Variants in ZNF503 observed in about 807,000 individuals in gnomAD.
The protein encoded by ZNF503 is zinc finger protein 503.
A neutral mutation model predicts 34.4 loss-of-function variants in ZNF503; 15 were observed. That is an observed-to-expected ratio of 0.44 (90% CI 0.29 to 0.67). The LOEUF (loss-of-function observed/expected upper bound fraction) is 0.67. Among genes scored for constraint, ZNF503 ranks in the 30% least tolerant of loss-of-function variants. The probability of loss-of-function intolerance (pLI) is 0.13; values close to 1 mark genes in which losing one functional copy is unlikely to be tolerated. For synonymous variants in ZNF503, 580 were observed against 456.8 expected, an observed-to-expected ratio of 1.27 and a Z score of -3.44; for missense variants, 1,007 against 926.8, an observed-to-expected ratio of 1.09 and a Z score of -1.12.
chr10:75,389,644 C>A, the ZNF503 span, among the ~76,000 whole-genome samples: 2 of 152,066 alleles, frequency 1.3e-5, no homozygotes, highest in Non-Finnish European at 2.9e-5. Flanking sequence ...GCAGGAGAAT[C>A]GCTGGAACTC....
At chr10:75,382,362 T>A in the ZNF503 span, 1 of 274,842 alleles carries the variant, frequency 3.6e-6, no homozygotes, top group South Asian at 5.3e-5. Flanking sequence ...TTATTTTTCA[T>A]GTTTCCTGGA....
the ZNF503 span, among the ~76,000 whole-genome samples, chr10:75,341,188 T>A: frequency 6.6e-6 from 1 of 152,156 alleles, no homozygotes; most frequent in Non-Finnish European, 1.5e-5. Flanking sequence ...TGCTTAGAGG[T>A]AGAAAAACTA....
the ZNF503 span, among the ~76,000 whole-genome samples, chr10:75,379,176 T>TA: frequency 1.3e-5 from 2 of 152,104 alleles, no homozygotes; most frequent in Admixed American, 6.5e-5. Flanking sequence ...TGTAAATCAA[T>TA]AAAAAAATTA....
the ZNF503 span, among the ~76,000 whole-genome samples, chr10:75,389,180 T>A: frequency 6.6e-6 from 1 of 151,878 alleles, no homozygotes; most frequent in Non-Finnish European, 1.5e-5. Flanking sequence ...ACACAGAGAG[T>A]CAGCCGAGAA....
At position 75,400,151 on chromosome 10, in the gene ZNF503, T is replaced by G. The variant is rs1346393429; in HGVS notation, c.539A>C (p.Lys180Thr). 1 of 1,558,152 alleles carries G rather than the reference T, an allele frequency of 6.4e-7. No homozygotes were observed. Among genetic ancestry groups the G allele is most frequent in the South Asian group, 1.2e-5 (1 of 84,810 alleles). ...CGGCTCCTTCTTATCCGAGCCGGGT[T>G]TGGAGTACGGCTTGAAACTCGACTT... is the stretch of plus-strand genomic sequence containing the variant. The part of the protein sequence containing the change: ...EDKSSFKPYS[K>T]PGSDKKEPGG... The change falls in exon 2 of 2, where the codon AAA becomes ACA. Residue 180 changes from lysine (K) to threonine (T), a missense_variant. Coordinates refer to ENST00000372524, the MANE Select transcript of ZNF503 (RefSeq NM_032772.6).
At chr10:75,382,041 C>T in the ZNF503 span, among the ~76,000 whole-genome samples, 1 of 151,834 alleles carries the variant, frequency 6.6e-6, no homozygotes, top group African/African-American at 2.4e-5. Context: ...AACTCTTGAC[C>T]TCAAGTGATC....
At chr10:75,318,679 A>T in the ZNF503 span, among the ~76,000 whole-genome samples, 1 of 151,868 alleles carries the variant, frequency 6.6e-6, no homozygotes, top group South Asian at 2.1e-4. Context: ...AAAAAAAAAA[A>T]AAAAAAAAGT....
the ZNF503 span, among the ~76,000 whole-genome samples, chr10:75,376,759 G>A: frequency 2.0e-5 from 3 of 152,048 alleles, no homozygotes; most frequent in African/African-American, 4.8e-5. Context: ...CAATCATGAC[G>A]GAAGACATCT....
In ZNF503 at chr10:75,401,603, C is replaced by G. The variant is rs544944962; in HGVS notation, c.-184G>C. The G allele has an allele frequency of 1.4e-6, 1 of 704,598 alleles. No homozygotes were observed. The highest frequency in any genetic ancestry group is 2.3e-6 in the Non-Finnish European group (1 of 432,706). 43.6% of individuals were successfully genotyped at this position (704,598 alleles called of 1,614,324 possible). A position where few individuals can be genotyped will look rare whatever the true frequency, so the allele number is the denominator to read the frequency against. On this transcript the variant is annotated 5_prime_UTR_variant, in exon 1 of 2. Coordinates refer to ENST00000372524, the MANE Select transcript of ZNF503 (RefSeq NM_032772.6). ...CAGACGCGAGTAATCCTGGGTGGCC[C>G]GCAGCGGAGCCGTGGCCGGGCTAGA...
intron 1 of ZNF503, chr10:75,400,881 G>A (rs1448390516): frequency 1.6e-5 from 11 of 679,274 alleles, no homozygotes; most frequent in Non-Finnish European, 2.7e-5. Context: ...ATATCGAAAG[G>A]AGAAACAAGT....
At chr10:75,371,520 C>T in the ZNF503 span, among the ~76,000 whole-genome samples, 1 of 152,170 alleles carries the variant, frequency 6.6e-6, no homozygotes, top group Non-Finnish European at 1.5e-5. Context: ...TACGGCCTAC[C>T]ATGGCTGCTC....
At chr10:75,327,410 G>A in the ZNF503 span, among the ~76,000 whole-genome samples, 13 of 152,188 alleles carry the variant, frequency 8.5e-5, no homozygotes, top group South Asian at 1.4e-3. Flanking sequence ...AGGCACATCC[G>A]TGTTGCCATG....
chr10:75,298,444 A>G, the ZNF503 span, among the ~76,000 whole-genome samples: 1 of 152,220 alleles, frequency 6.6e-6, no homozygotes, highest in African/African-American at 2.4e-5. Context: ...ATAGAGTCAT[A>G]TAATATGTGG....
the ZNF503 span, among the ~76,000 whole-genome samples, chr10:75,382,017 C>T: frequency 6.6e-6 from 1 of 151,790 alleles, no homozygotes; most frequent in East Asian, 1.9e-4. Context: ...ACCATGTTGG[C>T]CAGGCTAGTC....
the ZNF503 span, among the ~76,000 whole-genome samples, chr10:75,290,811 C>T: frequency 6.6e-6 from 1 of 152,222 alleles, no homozygotes; most frequent in Admixed American, 6.5e-5. Flanking sequence ...GAAAGCCCAA[C>T]ATCCATTCAA....
rs1843730834 is a variant in ZNF503, at chr10:75,398,510, A to C, written c.*239T>G. ...TTTTTTTTCTATAAAAAGTCAAATG[A>C]TATTTTTTCAACTTTTATAAAGTTT... On this transcript the variant is annotated 3_prime_UTR_variant, in exon 2 of 2. Transcript: ENST00000372524. 1.0e-5 allele frequency: 4 copies of C among 391,590 alleles called. No individual in the cohort carries two copies. The highest frequency in any genetic ancestry group is 9.0e-6 in the Non-Finnish European group (2 of 223,070). 24.3% of individuals were successfully genotyped at this position (391,590 alleles called of 1,614,324 possible).
chr10:75,301,416 AT>A, the ZNF503 span, among the ~76,000 whole-genome samples: 1 of 151,384 alleles, frequency 6.6e-6, no homozygotes, highest in South Asian at 2.1e-4. Flanking sequence ...AATTTTTTGT[AT>A]TTTAGTAGAG....
At chr10:75,361,091 A>T in the ZNF503 span, 1 of 152,224 alleles carries the variant, frequency 6.6e-6, no homozygotes, top group Non-Finnish European at 1.5e-5. Flanking sequence ...TGTTACTGTG[A>T]TTTGGAGAGG....
At chr10:75,379,105 A>G in the ZNF503 span, among the ~76,000 whole-genome samples, 7 of 152,344 alleles carry the variant, frequency 4.6e-5, no homozygotes, top group South Asian at 1.5e-3. Context: ...AATGTAGGAA[A>G]GAAATATGGG....
Sources: allele counts gnomAD v4.1 joint callset (sites outside exome capture counted in the v4.1 genomes callset), GRCh38; gene constraint gnomAD v4.1.1; transcripts MANE v1.5; gene names NCBI Gene and HGNC (gene_info 2026-07-23, HGNC 2026-07-21).